RGS9: variants seen among roughly 807,000 people sequenced by gnomAD.
RGS9 encodes the protein regulator of G-protein signalling 9.
In RGS9, 78 loss-of-function variants were observed where a neutral mutation model predicts 102.0. That is an observed-to-expected ratio of 0.76 (90% CI 0.64 to 0.92). RGS9 has a LOEUF of 0.92. RGS9 is among the 40% of genes least tolerant of loss of function. The probability of loss-of-function intolerance (pLI) is 0.00; values close to 1 mark genes in which losing one functional copy is unlikely to be tolerated. For synonymous variants in RGS9, 353 were observed against 318.6 expected, an observed-to-expected ratio of 1.11 and a Z score of -1.15; for missense variants, 833 against 866.1, an observed-to-expected ratio of 0.96 and a Z score of 0.48.
intron 13 of RGS9, among the ~76,000 whole-genome samples, chr17:65,198,228 T>C (rs1912671246): frequency 6.6e-6 from 1 of 151,638 alleles, no homozygotes; most frequent in Admixed American, 6.6e-5. Flanking sequence ...TTGTCCCATC[T>C]CTGAATGTCA....
chr17:65,165,470 TAA>T (rs148609633), intron 7 of RGS9, among the ~76,000 whole-genome samples: 9,074 of 152,252 alleles, frequency 0.06, 320 homozygotes, highest in Middle Eastern at 0.1. Context: ...GGTTGGCCCA[TAA>T]AGTAGTCATT....
Position 65,227,287 on chromosome 17 carries a change from C to T in RGS9, c.1905C>T (p.Ile635=), listed in dbSNP as rs752667809. 3.7e-6 allele frequency: 6 copies of T among 1,614,104 alleles called. No homozygotes were observed. Among genetic ancestry groups the T allele is most frequent in the Non-Finnish European group, 4.2e-6 (5 of 1,180,020 alleles). Residue 635 remains isoleucine (I), a synonymous_variant, in exon 19 of 19, where the codon ATC becomes ATT. Coordinates refer to ENST00000262406, the MANE Select transcript of RGS9 (RefSeq NM_003835.4). Reference sequence around the variant, plus strand: ...CTTGCACCTGAAGCTTTTTCCAGATCAAAATGGATGTGCCCACGGGGAGCG... The same window carrying T: ...CTTGCACCTGAAGCTTTTTCCAGATTAAAATGGATGTGCCCACGGGGAGCG... ...KSKRVANFFQ[I]KMDVPTGSGT... is the part of the protein sequence containing the mutation.
intron 17 of RGS9, among the ~76,000 whole-genome samples, chr17:65,217,754 A>C (rs1322067489): frequency 6.6e-6 from 1 of 152,170 alleles, no homozygotes; most frequent in Non-Finnish European, 1.5e-5. Context: ...ATAATTGATA[A>C]GAGAAAGCCT....
intron 2 of RGS9, among the ~76,000 whole-genome samples, chr17:65,155,715 A>G (rs1187964479): frequency 1.3e-5 from 2 of 151,968 alleles, no homozygotes; most frequent in East Asian, 3.9e-4. Context: ...CAGTTTTCTC[A>G]TTTTTAATGC....
chr17:65,198,146 C>T (rs185295352), intron 13 of RGS9, among the ~76,000 whole-genome samples: 2 of 152,274 alleles, frequency 1.3e-5, no homozygotes, highest in East Asian at 3.9e-4. Context: ...CAGCCATCAC[C>T]TTAGCTCCTG....
intron 8 of RGS9, among the ~76,000 whole-genome samples, chr17:65,172,282 C>T (rs534352465): frequency 1.1e-4 from 16 of 152,288 alleles, no homozygotes; most frequent in African/African-American, 3.8e-4. Context: ...TGGCTCACTG[C>T]AACCTCTGCC....
At chr17:65,165,273 C>T (rs4129025) in intron 7 of RGS9, among the ~76,000 whole-genome samples, 6,455 of 152,248 alleles carry the variant, frequency 0.042, 470 homozygotes, top group African/African-American at 0.15. Flanking sequence ...GACTCAGCTG[C>T]GATAAAGCTC....
At chr17:65,165,786 C>T (rs937909170) in intron 7 of RGS9, among the ~76,000 whole-genome samples, 7 of 152,138 alleles carry the variant, frequency 4.6e-5, no homozygotes, top group South Asian at 2.1e-4. Flanking sequence ...CTCTAGCTAT[C>T]GGGGAGAACA....
At chr17:65,154,030 G>A (rs746328648) in intron 2 of RGS9, among the ~76,000 whole-genome samples, 36 of 152,184 alleles carry the variant, frequency 2.4e-4, no homozygotes, top group Non-Finnish European at 5.0e-4. Flanking sequence ...GTTGTGGCCA[G>A]GCACAGTGGC....
At chr17:65,154,221 C>A (rs1910686886) in intron 2 of RGS9, among the ~76,000 whole-genome samples, 1 of 151,904 alleles carries the variant, frequency 6.6e-6, no homozygotes, top group Admixed American at 6.6e-5. Flanking sequence ...GCATGAGAAT[C>A]ACTTGAACCC....
intron 1 of RGS9, among the ~76,000 whole-genome samples, chr17:65,139,183 CCTCCTCCTCCCCAGCCTT>C (rs1246943141): frequency 1.2e-5 from 1 of 80,896 alleles, no homozygotes; most frequent in African/African-American, 3.8e-5. Flanking sequence ...ACCCCATCCT[CCTCCTCCTCCCCAGCCTT>C]CTCCTCCTCC....
At chr17:65,220,620 G>A (rs1348907815) in intron 17 of RGS9, among the ~76,000 whole-genome samples, 1 of 152,244 alleles carries the variant, frequency 6.6e-6, no homozygotes, top group Non-Finnish European at 1.5e-5. Context: ...AGGGGACTTT[G>A]CACACTGCAT....
intron 8 of RGS9, among the ~76,000 whole-genome samples, chr17:65,172,999 T>G (rs1911478810): frequency 6.6e-6 from 1 of 152,034 alleles, no homozygotes; most frequent in East Asian, 1.9e-4. Context: ...CTCAGCTCAC[T>G]GCAACCTTCG....
Position 65,177,610 on chromosome 17 carries a change from G to A in RGS9, c.583-122G>A, listed in dbSNP as rs1362982548. On this transcript the variant is annotated intron_variant, in intron 8 of 18. Transcript: ENST00000262406. ...TTTACACCCACTCAAAGCTTCCCAT[G>A]GGCTAGGCCACAAGCTCTTCTCAGC... The A allele has an allele frequency of 3.0e-6, 3 of 999,752 alleles. No homozygotes were observed. In the Admixed American group the frequency reaches 5.1e-5, roughly 17 times the overall value. 61.9% of individuals were successfully genotyped at this position (999,752 alleles called of 1,614,324 possible). A position where few individuals can be genotyped will look rare whatever the true frequency, so the allele number is the denominator to read the frequency against.
At chr17:65,177,864 T>C in intron 9 of RGS9, 61 bp downstream of exon 9, 3 of 1,307,054 alleles carry the variant, frequency 2.3e-6, no homozygotes, top group Non-Finnish European at 3.3e-6. Context: ...TGGGAAGGTG[T>C]CCACATGTCT....
chr17:65,223,385 A>G (rs567407083), intron 17 of RGS9, among the ~76,000 whole-genome samples: 28 of 152,322 alleles, frequency 1.8e-4, no homozygotes, highest in Non-Finnish European at 3.1e-4. Flanking sequence ...TTTGAACTTC[A>G]GGGAGCTGGT....
chr17:65,190,242 T>A lies in RGS9; in HGVS notation c.746+6T>A. On this transcript the variant is annotated splice_donor_region_variant and intron_variant, in intron 11 of 18. Transcript: ENST00000262406. ...TCTTCTGTGTCCCTGGGAGGGTATG[T>A]CCCTGATTTGTTGATCTTGCTAAAG... 4 of 1,610,932 alleles carry A rather than the reference T, an allele frequency of 2.5e-6. No individual in the cohort carries two copies. The highest frequency in any genetic ancestry group is 3.4e-6 in the Non-Finnish European group (4 of 1,177,042).
chr17:65,224,384 C>A (rs964527571), intron 17 of RGS9, among the ~76,000 whole-genome samples: 1 of 152,080 alleles, frequency 6.6e-6, no homozygotes, highest in Non-Finnish European at 1.5e-5. Flanking sequence ...CCACATTCAA[C>A]CTTTCTTCCT....
intron 1 of RGS9, among the ~76,000 whole-genome samples, chr17:65,141,729 G>T (rs1395775583): frequency 6.6e-6 from 1 of 152,122 alleles, no homozygotes; most frequent in Non-Finnish European, 1.5e-5. Flanking sequence ...GTTCTACCTG[G>T]GGTCAGGGGG....
Sources: gnomAD v4.1 joint callset for allele counts (sites outside exome capture counted in the v4.1 genomes callset) on GRCh38, gnomAD v4.1.1 for gene constraint, MANE v1.5 for transcripts, NCBI Gene and HGNC (gene_info 2026-07-23, HGNC 2026-07-21) for gene names.